FAAH2: variants seen among roughly 807,000 people sequenced by gnomAD.
FAAH2 encodes fatty-acid amide hydrolase 2.
A neutral mutation model predicts 36.9 loss-of-function variants in FAAH2; 60 were observed. The ratio of observed to expected loss-of-function variants is 1.63; its 90% CI spans 1.32 to 2.02. The LOEUF is 2.02. FAAH2 is among the 30% of genes most tolerant of loss of function. FAAH2 has a pLI of 0.00. For missense variants in FAAH2, 689 were observed against 397.5 expected, an observed-to-expected ratio of 1.73 and a Z score of -6.23; for synonymous variants, 214 against 143.8, an observed-to-expected ratio of 1.49 and a Z score of -3.49.
chrX:57,177,739 G>T, the FAAH2 span, among the ~76,000 whole-genome samples: 5 of 104,812 alleles, frequency 4.8e-5, no homozygotes, highest in Admixed American at 2.1e-4. Context: ...GGTGTGAAGG[G>T]AAAAGAAGTC....
the FAAH2 span, among the ~76,000 whole-genome samples, chrX:57,209,015 C>A: frequency 9.0e-6 from 1 of 111,343 alleles, no homozygotes; most frequent in Non-Finnish European, 1.9e-5. Flanking sequence ...AGTTTTGGGG[C>A]CAGTTTATGG....
intron 8 of FAAH2, among the ~76,000 whole-genome samples, chrX:57,446,203 G>C: frequency 8.9e-6 from 1 of 112,371 alleles, no homozygotes; most frequent in East Asian, 2.8e-4. Flanking sequence ...GGGAGGGTTT[G>C]TGTAGGCAAT....
chrX:57,170,360 T>C, the FAAH2 span, among the ~76,000 whole-genome samples: 1 of 112,121 alleles, frequency 8.9e-6, no homozygotes, highest in African/African-American at 3.2e-5. Context: ...CAATTTTGTC[T>C]ATTCATTCAT....
At chrX:57,233,835 G>A in the FAAH2 span, among the ~76,000 whole-genome samples, 1 of 112,292 alleles carries the variant, frequency 8.9e-6, no homozygotes, top group Non-Finnish European at 1.9e-5. Context: ...TGTGGAGATA[G>A]GGTTTTGCCA....
intron 5 of FAAH2, among the ~76,000 whole-genome samples, chrX:57,343,223 T>C (rs2053733639): frequency 8.9e-6 from 1 of 112,267 alleles, no homozygotes; most frequent in Non-Finnish European, 1.9e-5. Flanking sequence ...TGAACTAATT[T>C]ACATTCTTAC....
At chrX:57,470,138 G>A (rs2057133969) in intron 10 of FAAH2, among the ~76,000 whole-genome samples, 1 of 111,319 alleles carries the variant, frequency 9.0e-6, no homozygotes, top group Non-Finnish European at 1.9e-5. Context: ...ATGCCCACAA[G>A]AGAAAGCAGG....
intron 2 of FAAH2, among the ~76,000 whole-genome samples, chrX:57,303,083 T>G (rs1602210847): frequency 9.0e-6 from 1 of 111,334 alleles, no homozygotes. Context: ...TTTCAAGACC[T>G]TAGGAAAGTG....
At chrX:57,269,348 C>G in the FAAH2 span, among the ~76,000 whole-genome samples, 1 of 111,027 alleles carries the variant, frequency 9.0e-6, no homozygotes. Flanking sequence ...TATTAATGAC[C>G]TGAACTCAGC....
chrX:57,276,035 A>G, the FAAH2 span, among the ~76,000 whole-genome samples: 64 of 111,634 alleles, frequency 5.7e-4, no homozygotes, highest in East Asian at 6.8e-3. Flanking sequence ...GTTAACAAGA[A>G]CATCCAGGAA....
chrX:57,157,230 C>A, the FAAH2 span, among the ~76,000 whole-genome samples: 1 of 111,713 alleles, frequency 9.0e-6, no homozygotes, highest in Non-Finnish European at 1.9e-5. Flanking sequence ...TCCTCCACAC[C>A]AACTGCAGCT....
intron 5 of FAAH2, among the ~76,000 whole-genome samples, chrX:57,376,599 G>A (rs1397120833): frequency 1.8e-5 from 2 of 112,006 alleles, no homozygotes; most frequent in African/African-American, 6.5e-5. Flanking sequence ...ATTGTGAATA[G>A]TGCTGCAGTT....
chrX:57,275,812 A>G, the FAAH2 span, among the ~76,000 whole-genome samples: 1 of 112,081 alleles, frequency 8.9e-6, no homozygotes, highest in Non-Finnish European at 1.9e-5. Context: ...AACAAAGATC[A>G]AAAGAGACAA....
chrX:57,398,931 G>A (rs2055367034), intron 7 of FAAH2, among the ~76,000 whole-genome samples: 1 of 111,199 alleles, frequency 9.0e-6, no homozygotes, highest in African/African-American at 3.3e-5. Context: ...GGGGAGGTTG[G>A]CTGATGATCG....
chrX:57,394,353 G>A, intron 7 of FAAH2: 2 of 1,178,377 alleles, frequency 1.7e-6, no homozygotes, highest in Non-Finnish European at 2.3e-6. Context: ...ACAGGCTGGT[G>A]CTTCAGGCGT....
At chrX:57,345,820 A>AT (rs1411061722) in intron 5 of FAAH2, among the ~76,000 whole-genome samples, 1 of 111,533 alleles carries the variant, frequency 9.0e-6, no homozygotes, top group Non-Finnish European at 1.9e-5. Context: ...TTGGTAAGTT[A>AT]TTTTTTATTT....
intron 7 of FAAH2, among the ~76,000 whole-genome samples, chrX:57,412,851 G>A (rs1031340716): frequency 1.8e-5 from 2 of 111,965 alleles, no homozygotes; most frequent in South Asian, 3.7e-4. Context: ...CACTGTAAAA[G>A]CGTTCCTATT....
intron 10 of FAAH2, among the ~76,000 whole-genome samples, chrX:57,453,871 G>A (rs2056825457): frequency 8.9e-6 from 1 of 112,206 alleles, no homozygotes; most frequent in Admixed American, 9.4e-5. Flanking sequence ...CAGGTTCATG[G>A]GCTGGCAGAG....
intron 7 of FAAH2, among the ~76,000 whole-genome samples, chrX:57,419,480 A>AT (rs1296390579): frequency 8.9e-6 from 1 of 111,755 alleles, no homozygotes; most frequent in Non-Finnish European, 1.9e-5. Flanking sequence ...GATGGTGAGC[A>AT]TTTTTTCGTG....
In FAAH2 at chrX:57,352,062, A is replaced by G. The variant is rs867524595; in HGVS notation, c.742+10672A>G. 1.1e-3 allele frequency among the ~76,000 whole-genome samples: 35 copies of G among 30,949 alleles called. 4 individuals carry two copies. Among genetic ancestry groups the G allele is most frequent in the East Asian group, 1.7e-3 (2 of 1,160 alleles). 26.9% of individuals were successfully genotyped at this position (30,949 alleles called of 115,157 possible). Reference sequence around the variant, plus strand: ...CATATATATATGTGTATATATATATATATACACATATATATATGTGTATAT... The same window carrying G: ...CATATATATATGTGTATATATATATGTATACACATATATATATGTGTATAT... On this transcript the variant is annotated intron_variant, in intron 5 of 10. Transcript: ENST00000374900.
Sources: allele counts gnomAD v4.1 joint callset (sites outside exome capture counted in the v4.1 genomes callset), GRCh38; gene constraint gnomAD v4.1.1; transcripts MANE v1.5; gene names NCBI Gene and HGNC (gene_info 2026-07-23, HGNC 2026-07-21).